Variants in CCDC102A observed in about 807,000 individuals in gnomAD.
The protein encoded by CCDC102A is coiled-coil domain-containing protein 102A.
CCDC102A carries 40 observed loss-of-function variants against 55.5 expected under a neutral mutation model. That is an observed-to-expected ratio of 0.72 (90% CI 0.56 to 0.94). CCDC102A has a LOEUF of 0.94. CCDC102A is among the 40% of genes least tolerant of loss of function. The pLI, the probability that CCDC102A is intolerant of heterozygous loss-of-function variation, is 0.00. For synonymous variants in CCDC102A, 323 were observed against 339.0 expected (o/e 0.95, Z 0.52); for missense variants, 779 against 768.6 (o/e 1.01, Z -0.16).
In CCDC102A at chr16:57,528,912, T is replaced by C. The variant is rs1246108331; in HGVS notation, c.266A>G (p.Gln89Arg). 7.1e-7 allele frequency: 1 copy of C among 1,400,944 alleles called. No individual in the cohort carries two copies. Among genetic ancestry groups the C allele is most frequent in the Non-Finnish European group, 9.4e-7 (1 of 1,069,278 alleles). 86.8% of individuals were successfully genotyped at this position (1,400,944 alleles called of 1,614,324 possible). Residue 89 changes from glutamine to arginine, a missense_variant, in exon 2 of 9, where the codon CAG (glutamine) becomes CGG (arginine). By Grantham distance (43) the Gln-to-Arg change is conservative (BLOSUM62 1). Coordinates refer to ENST00000258214, the MANE Select transcript of CCDC102A (RefSeq NM_033212.4). Reference sequence around the variant, plus strand: ...CCACCGGCGCATGGTCTTCTCCATCTGCGCCGCCCGCGCCCGCGCCTCCTC... The same window carrying C: ...CCACCGGCGCATGGTCTTCTCCATCCGCGCCGCCCGCGCCCGCGCCTCCTC... Reference protein sequence around the residue: ...ELEEARARAAQMEKTMRRWSD... With the variant: ...ELEEARARAARMEKTMRRWSD...
At position 57,517,260 on chromosome 16, in the gene CCDC102A, C is replaced by T. The variant is rs2031970987; in HGVS notation, c.1249-797G>A. 2.6e-5 allele frequency among the ~76,000 whole-genome samples: 4 copies of T among 152,198 alleles called. No homozygotes were observed. The South Asian group carries it at 6.2e-4, about 24-fold the overall frequency. ...GTCTCTTTCACCACGGACATTTATT[C>T]ATGTTATTCCTAACTTCTCTCCATC... is the stretch of plus-strand genomic sequence containing the variant. On this transcript the variant is annotated intron_variant, in intron 6 of 8. Transcript: ENST00000258214.
At chr16:57,536,478 C>T (rs1195386508) in intron 1 of CCDC102A, 22 bp downstream of exon 1, 1 of 152,224 alleles carries the variant, frequency 6.6e-6, no homozygotes, top group Non-Finnish European at 1.5e-5. Flanking sequence ...CTGCCGCCCC[C>T]CGGCCTGCCG....
intron 4 of CCDC102A, among the ~76,000 whole-genome samples, chr16:57,518,961 C>G (rs577353257): frequency 6.6e-6 from 1 of 152,354 alleles, no homozygotes; most frequent in South Asian, 2.1e-4. Flanking sequence ...GTGTCTACTC[C>G]TGGCCCTTCT....
At chr16:57,518,813 C>T (rs985397595) in intron 4 of CCDC102A, 72 bp from the exon 5 acceptor site, 35 of 1,246,056 alleles carry the variant, frequency 2.8e-5, no homozygotes, top group Admixed American at 4.0e-5. Context: ...CGGGGGTGGG[C>T]GCCAGTGCAG....
intron 3 of CCDC102A, among the ~76,000 whole-genome samples, chr16:57,522,933 A>G (rs912463331): frequency 2.0e-5 from 3 of 152,224 alleles, no homozygotes; most frequent in Admixed American, 6.5e-5. Flanking sequence ...TTGGGAGGCC[A>G]AGGCAGGTGG....
rs563665403 is a variant in CCDC102A at position 57,525,611 on chromosome 16, C to A, written c.812+290G>T. Among the ~76,000 whole-genome samples the A allele has an allele frequency of 1.4e-4, 21 of 152,294 alleles. No homozygotes were observed. The East Asian group carries it at 4.1e-3, about 29-fold the overall frequency. ...TTTTACCCTGCCCACAGCCCTCTCC[C>A]CCAACTAGAAAGTACGTTTCAGGAA... is the stretch of plus-strand genomic sequence containing the variant. On this transcript the variant is annotated intron_variant, in intron 3 of 8. Transcript: ENST00000258214.
chr16:57,517,143 C>G (rs1231802435), intron 6 of CCDC102A, among the ~76,000 whole-genome samples: 3 of 152,114 alleles, frequency 2.0e-5, no homozygotes, highest in African/African-American at 7.2e-5. Flanking sequence ...GCTTTAAACT[C>G]TCTCGAAGAG....
At chr16:57,532,698 G>GACACACACACAC (rs10535195) in intron 1 of CCDC102A, among the ~76,000 whole-genome samples, 1 of 148,176 alleles carries the variant, frequency 6.7e-6, no homozygotes, top group Admixed American at 6.7e-5. Context: ...AAGTGAAGCA[G>GACACACACACAC]ACACACACAC....
chr16:57,527,565 G>A (rs1200616455), intron 2 of CCDC102A, among the ~76,000 whole-genome samples: 1 of 151,872 alleles, frequency 6.6e-6, no homozygotes, highest in Non-Finnish European at 1.5e-5. Context: ...TATTACAGGC[G>A]CCCACCAGCA....
intron 8 of CCDC102A, 79 bp downstream of exon 8, chr16:57,515,262 G>C: frequency 1.1e-6 from 1 of 885,940 alleles, no homozygotes; most frequent in Non-Finnish European, 1.8e-6. Flanking sequence ...CTCCAGCCTT[G>C]GTTTGGGCTC....
chr16:57,527,680 A>G (rs1278268312), intron 2 of CCDC102A, among the ~76,000 whole-genome samples: 1 of 152,156 alleles, frequency 6.6e-6, no homozygotes, highest in African/African-American at 2.4e-5. Context: ...TTGGCCTCCC[A>G]AAGTGCTGGG....
chr16:57,528,683 C>T lies in CCDC102A; in HGVS notation c.495G>A (p.Gly165=). Residue 165 remains glycine (G), a synonymous_variant, in exon 2 of 9, where the codon GGG becomes GGA. Transcript: ENST00000258214. ...GGCCGTCGCGCGTCTGGTCGGCGACCCCCCGGGCGCCCCTCAGCCGCGCCA... is the reference window on the plus strand; with the variant it reads ...GGCCGTCGCGCGTCTGGTCGGCGACTCCCCGGGCGCCCCTCAGCCGCGCCA... ...RELARLRGAR[G]VADQTRDGPE... 1.8e-6 allele frequency: 2 copies of T among 1,122,930 alleles called. No individual in the cohort carries two copies. The highest frequency in any genetic ancestry group is 5.4e-5 in the East Asian group (1 of 18,638). 69.6% of individuals were successfully genotyped at this position (1,122,930 alleles called of 1,614,324 possible). A position where few individuals can be genotyped will look rare whatever the true frequency, so the allele number is the denominator to read the frequency against.
Position 57,516,307 on chromosome 16 carries a change from G to C in CCDC102A, c.1405C>G (p.Gln469Glu). ...RVEELKKELA[Q>E]AEDELDEAHN... ...GTGGTCCTCACCTCGTCCTCAGCCT[G>C]GGCCAGCTCCTTCTTGAGCTCCTCC... Residue 469 changes from glutamine to glutamate, a missense_variant, in exon 7 of 9, where the codon CAG becomes GAG. Coordinates refer to ENST00000258214, the MANE Select transcript of CCDC102A (RefSeq NM_033212.4). This position sits in a 1 kb window ranked among gnomAD's most constrained non-coding sequence, Gnocchi z 4.4. 1 of 1,605,552 alleles carries C rather than the reference G, an allele frequency of 6.2e-7. No individual in the cohort carries two copies. Among genetic ancestry groups the C allele is most frequent in the South Asian group, 1.1e-5 (1 of 91,026 alleles).
chr16:57,533,679 C>G (rs988845544), intron 1 of CCDC102A, among the ~76,000 whole-genome samples: 7 of 151,780 alleles, frequency 4.6e-5, no homozygotes, highest in Admixed American at 1.3e-4. Context: ...CACTCACACA[C>G]AGCCCCAGTA....
At position 57,528,685 on chromosome 16, in the gene CCDC102A, C is replaced by T; in HGVS notation, c.493G>A (p.Gly165Arg). Reference sequence around the variant, plus strand: ...CCGTCGCGCGTCTGGTCGGCGACCCCCCGGGCGCCCCTCAGCCGCGCCAGC... The same window carrying T: ...CCGTCGCGCGTCTGGTCGGCGACCCTCCGGGCGCCCCTCAGCCGCGCCAGC... ...RELARLRGAR[G>R]VADQTRDGPE... is the part of the protein sequence containing the mutation. Residue 165 changes from glycine to arginine, a missense_variant, in exon 2 of 9, where the codon GGG becomes AGG. Gly to Arg is a moderately radical substitution (Grantham distance 125, BLOSUM62 -2). Coordinates refer to ENST00000258214, the MANE Select transcript of CCDC102A (RefSeq NM_033212.4). The T allele has an allele frequency of 8.9e-7, 1 of 1,125,112 alleles. No individual in the cohort carries two copies. The highest frequency in any genetic ancestry group is 3.0e-5 in the South Asian group (1 of 33,792). 69.7% of individuals were successfully genotyped at this position (1,125,112 alleles called of 1,614,324 possible).
At chr16:57,518,538 C>G in intron 5 of CCDC102A, 87 bp downstream of exon 5, 1 of 1,101,810 alleles carries the variant, frequency 9.1e-7, no homozygotes. Flanking sequence ...AGTCCTGGCC[C>G]CTGCCCTGTT....
At chr16:57,514,472 T>C (rs562633745) in intron 8 of CCDC102A, among the ~76,000 whole-genome samples, 1 of 152,274 alleles carries the variant, frequency 6.6e-6, no homozygotes, top group East Asian at 1.9e-4. Flanking sequence ...ACTGTTGGGA[T>C]TACAGGTGTG....
At chr16:57,532,751 ACTC>A (rs2032292559) in intron 1 of CCDC102A, among the ~76,000 whole-genome samples, 2 of 149,932 alleles carry the variant, frequency 1.3e-5, no homozygotes, top group East Asian at 2.0e-4. Flanking sequence ...AGACACACAC[ACTC>A]CTCCTTTTCC....
Position 57,512,574 on chromosome 16 carries a change from G to A in CCDC102A, c.*167C>T, listed in dbSNP as rs1046866690. On this transcript the variant is annotated 3_prime_UTR_variant, in exon 9 of 9. Coordinates refer to ENST00000258214, the MANE Select transcript of CCDC102A (RefSeq NM_033212.4). ...TAAAACATAGGCTTCCTTTCCACAG[G>A]GCGTTGGTAGGTGGGACTGTTGACG... 2 of 745,272 alleles carry A rather than the reference G, an allele frequency of 2.7e-6. No homozygotes were observed. Among genetic ancestry groups the A allele is most frequent in the African/African-American group, 1.8e-5 (1 of 57,136 alleles). The allele number at this position is 745,272 out of a possible 1,614,324, so 46.2% of individuals were successfully genotyped here. A position where few individuals can be genotyped will look rare whatever the true frequency, so the allele number is the denominator to read the frequency against.
Sources: allele counts gnomAD v4.1 joint callset (sites outside exome capture counted in the v4.1 genomes callset), GRCh38; gene constraint gnomAD v4.1.1; non-coding constraint Gnocchi (gnomAD v3.1); transcripts MANE v1.5; gene names NCBI Gene and HGNC (gene_info 2026-07-23, HGNC 2026-07-21).